The following GAN variants were observed in gnomAD, a reference collection of about 807,000 sequenced individuals.
GAN encodes the protein epididymis secretory sperm binding protein.
In GAN, 48 loss-of-function variants were observed where a neutral mutation model predicts 71.3. That is an observed-to-expected ratio of 0.67 (90% CI 0.53 to 0.86). The LOEUF (loss-of-function observed/expected upper bound fraction) is 0.86, where lower values mean the gene tolerates loss of function less well. Ranked by LOEUF, GAN falls within the 40% of genes least tolerant of loss-of-function variation. GAN has a pLI of 0.00. For synonymous variants in GAN, 386 were observed against 276.8 expected (o/e 1.39, Z -3.92); for missense variants, 928 against 770.1 (o/e 1.21, Z -2.43).
chr16:81,333,053 C>T (rs953727768), intron 1 of GAN, among the ~76,000 whole-genome samples: 1 of 152,028 alleles, frequency 6.6e-6, no homozygotes, highest in African/African-American at 2.4e-5. Flanking sequence ...TCCTGGCTAA[C>T]ACAGTGAAAC....
In GAN at chr16:81,363,839, A is replaced by G. The variant is rs571347913; in HGVS notation, c.1132A>G (p.Ile378Val). 4 of 1,612,874 alleles carry G rather than the reference A, an allele frequency of 2.5e-6. No homozygotes were observed. Among genetic ancestry groups the G allele is most frequent in the East Asian group, 4.5e-5 (2 of 44,876 alleles). Reference protein sequence around the residue: ...GIVEIDGMLYILGGEDGEKEL... With the variant: ...GIVEIDGMLYVLGGEDGEKEL... The stretch of plus-strand genomic sequence containing the variant: ...TGTGGAGATAGATGGGATGCTGTAC[A>G]TTTTGGGAGGAGAGGATGGTGAAAA... Residue 378 changes from isoleucine to valine, a missense_variant, in exon 7 of 11, where the codon ATT (isoleucine) becomes GTT (valine). Ile to Val is a conservative substitution (Grantham distance 29, BLOSUM62 3). Transcript: ENST00000648994.
In GAN at chr16:81,377,755, C is replaced by A; in HGVS notation, c.*159C>A. 1 of 723,162 alleles carries A rather than the reference C, an allele frequency of 1.4e-6. No individual in the cohort carries two copies. The highest frequency in any genetic ancestry group is 2.6e-5 in the East Asian group (1 of 38,506). 44.8% of individuals were successfully genotyped at this position (723,162 alleles called of 1,614,324 possible). On this transcript the variant is annotated 3_prime_UTR_variant, in exon 11 of 11. Coordinates refer to ENST00000648994, the MANE Select transcript of GAN (RefSeq NM_022041.4). ...ATGCTTACAAACTTGAGCTTTAGCT[C>A]TTGTTTGGGAGAACACGTAACTGTT...
rs563289232 is a variant in GAN, at chr16:81,377,698, C to A, written c.*102C>A. ...CAGCTGAAACTCACTCTGTGCTGGGCTTTGGTATGGTAACTCTTTGGTGGT... is the reference window on the plus strand; with the variant it reads ...CAGCTGAAACTCACTCTGTGCTGGGATTTGGTATGGTAACTCTTTGGTGGT... On this transcript the variant is annotated 3_prime_UTR_variant, in exon 11 of 11. Transcript: ENST00000648994. The A allele has an allele frequency of 5.7e-6, 6 of 1,052,306 alleles. No individual in the cohort carries two copies. Among genetic ancestry groups the A allele is most frequent in the Non-Finnish European group, 8.9e-6 (6 of 670,564 alleles). The allele number at this position is 1,052,306 out of a possible 1,614,324, so 65.2% of individuals were successfully genotyped here. A position where few individuals can be genotyped will look rare whatever the true frequency, so the allele number is the denominator to read the frequency against.
chr16:81,389,081 C>T lies in GAN; in HGVS notation c.*11485C>T, dbSNP rs947074541. Reference sequence around the variant, plus strand: ...TTGTGTGGGTGATAACATCTTTTTCCTAGATCGTACCTCAAAATTCAGGCT... The same window carrying T: ...TTGTGTGGGTGATAACATCTTTTTCTTAGATCGTACCTCAAAATTCAGGCT... On this transcript the variant is annotated 3_prime_UTR_variant, in exon 11 of 11. Transcript: ENST00000648994. 4.6e-5 allele frequency: 7 copies of T among 152,062 alleles called. No homozygotes were observed. The highest frequency in any genetic ancestry group is 1.4e-4 in the African/African-American group (6 of 41,410). 9.4% of individuals were successfully genotyped at this position (152,062 alleles called of 1,614,324 possible). A position where few individuals can be genotyped will look rare whatever the true frequency, so the allele number is the denominator to read the frequency against.
chr16:81,340,676 G>C (rs894237584), intron 1 of GAN, among the ~76,000 whole-genome samples: 39 of 152,104 alleles, frequency 2.6e-4, no homozygotes, highest in African/African-American at 7.7e-4. Flanking sequence ...ACAAAGATGG[G>C]GAGAAACCAG....
At position 81,385,606 on chromosome 16, in the gene GAN, A is replaced by G. The variant is rs1441116966; in HGVS notation, c.*8010A>G. ...GTGTGCAGTGACCACTGTTGCTGCC[A>G]CCATGATTATGTCACCTCTCAACAT... On this transcript the variant is annotated 3_prime_UTR_variant, in exon 11 of 11. Transcript: ENST00000648994. The G allele has an allele frequency of 6.6e-6, 1 of 152,240 alleles. No homozygotes were observed. Among genetic ancestry groups the G allele is most frequent in the Non-Finnish European group, 1.5e-5 (1 of 68,148 alleles). The allele number at this position is 152,240 out of a possible 1,614,324, so 9.4% of individuals were successfully genotyped here. A position where few individuals can be genotyped will look rare whatever the true frequency, so the allele number is the denominator to read the frequency against.
In GAN at chr16:81,378,296, G is replaced by A. The variant is rs962723304; in HGVS notation, c.*700G>A. On this transcript the variant is annotated 3_prime_UTR_variant, in exon 11 of 11. Coordinates refer to ENST00000648994, the MANE Select transcript of GAN (RefSeq NM_022041.4). ...TCATGTGAACTGAAAGAAGTTGCTC[G>A]CTTCTGTGTTGACTTAGATCAAGAC... is the stretch of plus-strand genomic sequence containing the variant. 2 of 154,136 alleles carry A rather than the reference G, an allele frequency of 1.3e-5. No individual in the cohort carries two copies. Among genetic ancestry groups the A allele is most frequent in the African/African-American group, 4.8e-5 (2 of 41,434 alleles). 9.5% of individuals were successfully genotyped at this position (154,136 alleles called of 1,614,324 possible).
intron 9 of GAN, 45 bp from the exon 10 acceptor site, chr16:81,377,174 C>T (rs1199593544): frequency 1.8e-6 from 2 of 1,122,094 alleles, no homozygotes; most frequent in Non-Finnish European, 2.7e-6. Context: ...ATGTTGTTGT[C>T]ATCCTTTTGA....
At chr16:81,315,695 A>G (rs1213339196) in intron 1 of GAN, among the ~76,000 whole-genome samples, 3 of 152,146 alleles carry the variant, frequency 2.0e-5, no homozygotes, top group Non-Finnish European at 4.4e-5. Context: ...CCCCTCGCCC[A>G]GGCCGGGCCC....
At chr16:81,352,754 G>T (rs138712237) in intron 2 of GAN, among the ~76,000 whole-genome samples, 1 of 152,146 alleles carries the variant, frequency 6.6e-6, no homozygotes, top group Non-Finnish European at 1.5e-5. Flanking sequence ...GGGTGTGTAC[G>T]TGTATGATTG....
intron 1 of GAN, among the ~76,000 whole-genome samples, chr16:81,322,089 G>T (rs1352299358): frequency 6.6e-6 from 1 of 152,218 alleles, no homozygotes; most frequent in Non-Finnish European, 1.5e-5. Context: ...CTTAGCCATA[G>T]AATGATGGTC....
At chr16:81,355,821 A>G (rs1038456667) in intron 3 of GAN, among the ~76,000 whole-genome samples, 3 of 152,204 alleles carry the variant, frequency 2.0e-5, no homozygotes, top group African/African-American at 7.2e-5. Context: ...TTAAATTTTG[A>G]TGATTATCTT....
intron 1 of GAN, among the ~76,000 whole-genome samples, chr16:81,346,881 G>A (rs1264727773): frequency 1.3e-5 from 2 of 152,188 alleles, no homozygotes; most frequent in East Asian, 1.9e-4. Context: ...TCTCTCCAGT[G>A]CCTTTAACTG....
chr16:81,365,287 A>G (rs1910814935), intron 8 of GAN, 63 bp from the exon 9 acceptor site: 1 of 1,609,486 alleles, frequency 6.2e-7, no homozygotes, highest in South Asian at 1.1e-5. Flanking sequence ...CATAAGAGGA[A>G]CGCGGGAGTG....
intron 1 of GAN, among the ~76,000 whole-genome samples, chr16:81,339,405 CAT>C (rs1341041246): frequency 6.6e-6 from 1 of 152,186 alleles, no homozygotes; most frequent in Non-Finnish European, 1.5e-5. Flanking sequence ...CAGAAAAAAT[CAT>C]ATGTGAGAGC....
intron 1 of GAN, among the ~76,000 whole-genome samples, chr16:81,330,051 C>A (rs1909521679): frequency 6.6e-6 from 1 of 152,140 alleles, no homozygotes; most frequent in Non-Finnish European, 1.5e-5. Flanking sequence ...CTAATTGATG[C>A]CCAGACCTCT....
chr16:81,347,455 G>A (rs1032225698), intron 1 of GAN, among the ~76,000 whole-genome samples: 2 of 152,062 alleles, frequency 1.3e-5, no homozygotes, highest in Non-Finnish European at 2.9e-5. Context: ...CACCATTATT[G>A]TGCATCCCTT....
intron 1 of GAN, among the ~76,000 whole-genome samples, chr16:81,347,490 A>G (rs544190718): frequency 1.3e-5 from 2 of 152,206 alleles, no homozygotes; most frequent in Non-Finnish European, 2.9e-5. Flanking sequence ...TTTGGATTGC[A>G]TCTTGTTAGT....
At chr16:81,348,783 C>A (rs981409594) in intron 1 of GAN, among the ~76,000 whole-genome samples, 5 of 152,214 alleles carry the variant, frequency 3.3e-5, no homozygotes, top group Admixed American at 3.3e-4. Flanking sequence ...GGGTCATTTT[C>A]TTAGGGCAGA....
Sources: allele counts gnomAD v4.1 joint callset (sites outside exome capture counted in the v4.1 genomes callset), GRCh38; gene constraint gnomAD v4.1.1; transcripts MANE v1.5; gene names NCBI Gene and HGNC (gene_info 2026-07-23, HGNC 2026-07-21).